Variants in MECOM observed in about 807,000 individuals in gnomAD.
MECOM encodes MDS1 and EVI1 complex locus.
Under a neutral mutation model 116.3 loss-of-function variants are expected in MECOM, and 13 were observed. The observed-to-expected ratio is 0.11, with a 90% CI of 0.07 to 0.18. The LOEUF is 0.18. Among genes scored for constraint, MECOM ranks in the 10% least tolerant of loss-of-function variants. The pLI is 1.00. For missense variants in MECOM, 1,299 were observed against 1,509.0 expected, an observed-to-expected ratio of 0.86 and a Z score of 2.31; for synonymous variants, 528 against 535.2, an observed-to-expected ratio of 0.99 and a Z score of 0.19.
At position 169,663,526 on chromosome 3, in the gene MECOM, CT is replaced by C. The variant is rs1560554308; in HGVS notation, c.-155del. The stretch of plus-strand genomic sequence containing the variant: ...TCTCTCTCTCTCTCTCTCTCTCTCT[CT>C]CTCCCTCCCTCCTGTTTCTCTCCTG... On this transcript the variant is annotated 5_prime_UTR_variant, in exon 1 of 17. Transcript: ENST00000651503. 46 of 626,160 alleles carry C rather than the reference CT, an allele frequency of 7.3e-5. No homozygotes were observed. Among genetic ancestry groups the C allele is most frequent in the Admixed American group, 1.9e-4 (7 of 36,260 alleles). 38.8% of individuals were successfully genotyped at this position (626,160 alleles called of 1,614,324 possible). A position where few individuals can be genotyped will look rare whatever the true frequency, so the allele number is the denominator to read the frequency against.
rs868383054 is a variant in MECOM, at chr3:169,483,205, T to A, written c.38-101681A>T. ...CCATTGTTTTATTTTTATTTTTATT[T>A]TTTTTTTTTTTTTGCCCAGAAACCC... On this transcript the variant is annotated intron_variant, in intron 1 of 16. Coordinates refer to ENST00000651503, the MANE Select transcript of MECOM (RefSeq NM_004991.4). Among the ~76,000 whole-genome samples the A allele has an allele frequency of 1.7e-3, 217 of 128,636 alleles. 1 individual carries two copies. Among genetic ancestry groups the A allele is most frequent in the Middle Eastern group, 0.011 (3 of 280 alleles). 84.4% of individuals were successfully genotyped at this position (128,636 alleles called of 152,430 possible). A position where few individuals can be genotyped will look rare whatever the true frequency, so the allele number is the denominator to read the frequency against.
chr3:169,318,966 G>A (rs140981150), intron 2 of MECOM, among the ~76,000 whole-genome samples: 3,088 of 152,110 alleles, frequency 0.02, 123 homozygotes, highest in African/African-American at 0.071. Flanking sequence ...GGGCATGGTG[G>A]TGGGTGCCTG....
rs773726713 is a variant in MECOM, at chr3:169,445,681, G to A, written c.38-64157C>T. 3.3e-5 allele frequency among the ~76,000 whole-genome samples: 5 copies of A among 152,118 alleles called. No homozygotes were observed. In the East Asian group the frequency reaches 9.7e-4, roughly 29 times the overall value. The stretch of plus-strand genomic sequence containing the variant: ...CCACCATCCTCCAGACCCCAGAATG[G>A]TAGATCCACCGACAGCTTGCCCTGT... On this transcript the variant is annotated intron_variant, in intron 1 of 16. Coordinates refer to ENST00000651503, the MANE Select transcript of MECOM (RefSeq NM_004991.4).
chr3:169,559,677 C>T (rs1226754029), intron 1 of MECOM, among the ~76,000 whole-genome samples: 1 of 152,168 alleles, frequency 6.6e-6, no homozygotes, highest in Non-Finnish European at 1.5e-5. Flanking sequence ...AACACCTTCT[C>T]CTCATTTTAT....
chr3:169,174,439 A>G (rs1192534383), intron 2 of MECOM, among the ~76,000 whole-genome samples: 2 of 152,204 alleles, frequency 1.3e-5, no homozygotes, highest in Admixed American at 6.6e-5. Flanking sequence ...ACTCTGGACT[A>G]CAAGGACAGG....
At chr3:169,616,865 C>T (rs562725805) in intron 1 of MECOM, among the ~76,000 whole-genome samples, 11 of 152,254 alleles carry the variant, frequency 7.2e-5, no homozygotes, top group African/African-American at 2.6e-4. Flanking sequence ...TTTGTTGAAC[C>T]TTAGATGCAT....
intron 15 of MECOM, among the ~76,000 whole-genome samples, chr3:169,089,666 T>G (rs187336067): frequency 3.0e-4 from 45 of 152,298 alleles, no homozygotes; most frequent in African/African-American, 9.4e-4. Flanking sequence ...TGCCAGATTA[T>G]TGTATAATTA....
At chr3:169,655,196 G>T (rs959618736) in intron 1 of MECOM, among the ~76,000 whole-genome samples, 1 of 151,940 alleles carries the variant, frequency 6.6e-6, no homozygotes, top group African/African-American at 2.4e-5. Context: ...GTCTTGAACT[G>T]CCAGTTTCCC....
chr3:169,216,275 C>A (rs535560417), intron 2 of MECOM, among the ~76,000 whole-genome samples: 2 of 152,118 alleles, frequency 1.3e-5, no homozygotes, highest in African/African-American at 4.8e-5. Context: ...GTCAAAATGA[C>A]GACCATCTAA....
Position 169,543,646 on chromosome 3 carries a change from A to T in MECOM, c.37+119690T>A, listed in dbSNP as rs543159345. Among the ~76,000 whole-genome samples the T allele has an allele frequency of 2.6e-4, 40 of 152,306 alleles. No homozygotes were observed. In the South Asian group the frequency reaches 8.1e-3, roughly 31 times the overall value. On this transcript the variant is annotated intron_variant, in intron 1 of 16. Coordinates refer to ENST00000651503, the MANE Select transcript of MECOM (RefSeq NM_004991.4). ...CAGACAAATAATAAAATCAAAACAC[A>T]ATTCTAACATGATAAAATGTGTTCA...
At chr3:169,085,971 G>A (rs1322075805) in intron 16 of MECOM, among the ~76,000 whole-genome samples, 1 of 152,158 alleles carries the variant, frequency 6.6e-6, no homozygotes, top group African/African-American at 2.4e-5. Context: ...AATCATTAAA[G>A]TCCTGCCAAA....
chr3:169,516,825 A>G (rs555623052), intron 1 of MECOM, among the ~76,000 whole-genome samples: 1 of 152,352 alleles, frequency 6.6e-6, no homozygotes, highest in South Asian at 2.1e-4. Context: ...GGGCAGACCC[A>G]CAGAGGAAAA....
chr3:169,244,669 T>C (rs1755355658), intron 2 of MECOM, among the ~76,000 whole-genome samples: 1 of 152,220 alleles, frequency 6.6e-6, no homozygotes, highest in Non-Finnish European at 1.5e-5. Flanking sequence ...AATTGTGCCA[T>C]TTGCAGAACC....
chr3:169,606,423 AGAAAAAGAAAT>A (rs1288919772), intron 1 of MECOM, among the ~76,000 whole-genome samples: 1 of 151,596 alleles, frequency 6.6e-6, no homozygotes. Context: ...AAAAAAAAAA[AGAAAAAGAAAT>A]GAAAGAAATT....
At chr3:169,646,400 G>A (rs930850769) in intron 1 of MECOM, among the ~76,000 whole-genome samples, 4 of 151,784 alleles carry the variant, frequency 2.6e-5, no homozygotes, top group Non-Finnish European at 5.9e-5. Context: ...CAACATGGCC[G>A]ATGTATACAT....
chr3:169,557,364 A>G (rs1439021278), intron 1 of MECOM, among the ~76,000 whole-genome samples: 1 of 152,058 alleles, frequency 6.6e-6, no homozygotes, highest in Non-Finnish European at 1.5e-5. Context: ...TCACCACCCC[A>G]CCCTCATAGT....
rs78362073 is a variant in MECOM at position 169,623,648 on chromosome 3, T to C, written c.37+39688A>G. Among the ~76,000 whole-genome samples, 3,327 of 152,244 alleles carry C rather than the reference T, an allele frequency of 0.022. 206 individuals carry two copies. In the East Asian group the frequency reaches 0.26, roughly 12 times the overall value. On this transcript the variant is annotated intron_variant, in intron 1 of 16. Coordinates refer to ENST00000651503, the MANE Select transcript of MECOM (RefSeq NM_004991.4). ...GGTTTACATTTTCTGGATACACATA[T>C]ATGTAATTAGGATGATTTGGGGCCA... is the stretch of plus-strand genomic sequence containing the variant.
intron 2 of MECOM, chr3:169,147,608 AAC>A (rs1353845254): frequency 1.0e-6 from 1 of 985,160 alleles, no homozygotes; most frequent in Admixed American, 6.2e-5. Context: ...ATCCCCCTTA[AAC>A]ATGTAGATTT....
chr3:169,115,323 A>AGT, intron 8 of MECOM, 60 bp downstream of exon 8: 1 of 1,528,084 alleles, frequency 6.5e-7, no homozygotes, highest in Non-Finnish European at 8.9e-7. Flanking sequence ...ATCACTTTAC[A>AGT]GTGGAAATAC....
Sources: gnomAD v4.1 joint callset for allele counts (sites outside exome capture counted in the v4.1 genomes callset) on GRCh38, gnomAD v4.1.1 for gene constraint, MANE v1.5 for transcripts, NCBI Gene and HGNC (gene_info 2026-07-23, HGNC 2026-07-21) for gene names.